Variants in AOAH observed in about 807,000 individuals in gnomAD.
The protein encoded by AOAH is acyloxyacyl hydrolase (neutrophil).
Under a neutral mutation model 92.2 loss-of-function variants are expected in AOAH, and 64 were observed. The ratio of observed to expected loss-of-function variants is 0.69; its 90% CI spans 0.57 to 0.86. The LOEUF is 0.86. Ranked by LOEUF, AOAH falls within the 40% of genes least tolerant of loss-of-function variation. The pLI is 0.00. For missense variants in AOAH, 656 were observed against 694.6 expected, an observed-to-expected ratio of 0.94 and a Z score of 0.62; for synonymous variants, 263 against 254.5, an observed-to-expected ratio of 1.03 and a Z score of -0.32.
At chr7:36,709,038 T>C (rs1370711203) in intron 1 of AOAH, among the ~76,000 whole-genome samples, 1 of 152,146 alleles carries the variant, frequency 6.6e-6, no homozygotes, top group Non-Finnish European at 1.5e-5. Context: ...CCCCGACACA[T>C]GCATGGTTTC....
intron 16 of AOAH, among the ~76,000 whole-genome samples, chr7:36,539,905 C>A (rs780197294): frequency 6.6e-5 from 10 of 152,168 alleles, no homozygotes; most frequent in Admixed American, 2.0e-4. Context: ...AGGAAATGAG[C>A]AGGCTGGAGG....
intron 2 of AOAH, 97 bp from the exon 3 acceptor site, chr7:36,674,106 G>A (rs969535725): frequency 1.5e-6 from 1 of 685,220 alleles, no homozygotes; most frequent in African/African-American, 1.8e-5. Flanking sequence ...GAAGCTGAGT[G>A]ATTAATTTAT....
At chr7:36,549,403 A>C in intron 14 of AOAH, 36 bp downstream of exon 14, 1 of 1,528,722 alleles carries the variant, frequency 6.5e-7, no homozygotes, top group Non-Finnish European at 9.0e-7. Context: ...CAAAATGAGA[A>C]ACCAAATTAA....
At chr7:36,597,073 C>CTAAG (rs1266933308) in intron 11 of AOAH, among the ~76,000 whole-genome samples, 1 of 152,082 alleles carries the variant, frequency 6.6e-6, no homozygotes, top group African/African-American at 2.4e-5. Flanking sequence ...TATTCTTATC[C>CTAAG]TAAGTGTGAT....
chr7:36,514,526 G>A, intron 20 of AOAH: 1 of 1,535,980 alleles, frequency 6.5e-7, no homozygotes, highest in Non-Finnish European at 8.7e-7. Flanking sequence ...TGTTAGCTGG[G>A]TCCATTCTTG....
chr7:36,638,223 G>A (rs1332157605), intron 4 of AOAH, among the ~76,000 whole-genome samples: 4 of 152,164 alleles, frequency 2.6e-5, no homozygotes, highest in Admixed American at 2.6e-4. Context: ...ATCTCATAGG[G>A]TCTGGCAGAG....
chr7:36,589,691 G>T (rs140447032), intron 12 of AOAH, among the ~76,000 whole-genome samples: 2 of 152,306 alleles, frequency 1.3e-5, no homozygotes, highest in East Asian at 1.9e-4. Context: ...GAATAACACA[G>T]AATGAGCACC....
intron 13 of AOAH, among the ~76,000 whole-genome samples, chr7:36,570,828 T>C (rs1159535455): frequency 2.6e-5 from 4 of 152,262 alleles, no homozygotes; most frequent in African/African-American, 9.6e-5. Context: ...ATTTGTGCTT[T>C]AGTTCTTCTC....
intron 12 of AOAH, among the ~76,000 whole-genome samples, chr7:36,588,195 T>TACTA (rs1789487818): frequency 6.6e-6 from 1 of 152,266 alleles, no homozygotes; most frequent in African/African-American, 2.4e-5. Context: ...ACACAGTGAC[T>TACTA]ACTAATAGAG....
chr7:36,627,611 G>T (rs1792768515), intron 6 of AOAH, among the ~76,000 whole-genome samples: 1 of 151,954 alleles, frequency 6.6e-6, no homozygotes, highest in South Asian at 2.1e-4. Flanking sequence ...TGATTGCAAG[G>T]ATGGCTCCTC....
chr7:36,552,929 T>G lies in AOAH; in HGVS notation c.1022-3454A>C, dbSNP rs60363313. On this transcript the variant is annotated intron_variant, in intron 13 of 20. Transcript: ENST00000617537. ...TAGTTCTTTTTATGGCTGCATAGAA[T>G]TCCATGGTGTATATGCACCACATTT... Among the ~76,000 whole-genome samples the G allele has an allele frequency of 9.0e-4, 137 of 152,344 alleles. 1 individual carries two copies. The highest frequency in any genetic ancestry group is 3.1e-3 in the African/African-American group (128 of 41,584).
chr7:36,514,359 G>T, intron 20 of AOAH: 1 of 756,532 alleles, frequency 1.3e-6, no homozygotes, highest in Non-Finnish European at 2.1e-6. Flanking sequence ...ACTGGGTGGG[G>T]GGTGGGATCC....
At chr7:36,695,518 G>C (rs1797659313) in intron 1 of AOAH, among the ~76,000 whole-genome samples, 1 of 152,026 alleles carries the variant, frequency 6.6e-6, no homozygotes, top group Non-Finnish European at 1.5e-5. Flanking sequence ...CATTTCCTTA[G>C]AAATCTGAGG....
chr7:36,722,440 T>C (rs13223177), intron 1 of AOAH, among the ~76,000 whole-genome samples: 41,562 of 152,010 alleles, frequency 0.27, 5,976 homozygotes, highest in African/African-American at 0.37. Context: ...AAAACTGATT[T>C]CATCTGAGCT....
chr7:36,684,846 C>G (rs944198873), intron 2 of AOAH, among the ~76,000 whole-genome samples: 5 of 129,626 alleles, frequency 3.9e-5, no homozygotes, highest in Non-Finnish European at 6.2e-5. Flanking sequence ...ATCTCATGAG[C>G]CCGGGAGGTC....
At chr7:36,631,350 CAAA>C (rs149488709) in intron 6 of AOAH, among the ~76,000 whole-genome samples, 3 of 131,738 alleles carry the variant, frequency 2.3e-5, no homozygotes, top group African/African-American at 2.9e-5. Flanking sequence ...TCCATCATCT[CAAA>C]AAAAAAAAAA....
intron 2 of AOAH, among the ~76,000 whole-genome samples, chr7:36,684,393 A>C (rs546490603): frequency 2.0e-5 from 3 of 152,296 alleles, no homozygotes; most frequent in African/African-American, 7.2e-5. Context: ...ACAGAAAACC[A>C]ATGCACTACC....
intron 3 of AOAH, among the ~76,000 whole-genome samples, chr7:36,672,087 T>C (rs1795973693): frequency 6.6e-6 from 1 of 152,128 alleles, no homozygotes; most frequent in Non-Finnish European, 1.5e-5. Flanking sequence ...ATAGTGGCAC[T>C]AGCTAAGAAT....
At chr7:36,518,499 A>G (rs536132778) in intron 20 of AOAH, among the ~76,000 whole-genome samples, 18 of 152,266 alleles carry the variant, frequency 1.2e-4, no homozygotes, top group Admixed American at 2.6e-4. Context: ...TGTCCTCAGT[A>G]CGGGAGGATG....
Sources: allele counts gnomAD v4.1 joint callset (sites outside exome capture counted in the v4.1 genomes callset), GRCh38; gene constraint gnomAD v4.1.1; transcripts MANE v1.5; gene names NCBI Gene and HGNC (gene_info 2026-07-23, HGNC 2026-07-21).